PCDHGA1: variants seen among roughly 807,000 people sequenced by gnomAD.
PCDHGA1 encodes protocadherin gamma subfamily A, 1, also known as protocadherin gamma-A1.
A neutral mutation model predicts 58.0 loss-of-function variants in PCDHGA1; 32 were observed. The ratio of observed to expected loss-of-function variants is 0.55; its 90% CI spans 0.42 to 0.74. PCDHGA1 has a LOEUF of 0.74. Ranked by LOEUF, PCDHGA1 falls within the 30% of genes least tolerant of loss-of-function variation. The pLI, the probability that PCDHGA1 is intolerant of heterozygous loss-of-function variation, is 0.00. For missense variants in PCDHGA1, 1,205 were observed against 1,182.3 expected, an observed-to-expected ratio of 1.02 and a Z score of -0.28; for synonymous variants, 498 against 501.1, an observed-to-expected ratio of 0.99 and a Z score of 0.08.
At chr5:141,408,111 C>A (rs1477598232) in intron 1 of PCDHGA1, 7 of 1,455,108 alleles carry the variant, frequency 4.8e-6, no homozygotes, top group African/African-American at 4.3e-5. Context: ...ACCCGGGACT[C>A]CTCCTGTCCT....
chr5:141,403,302 A>G (rs1195717654), intron 1 of PCDHGA1: 1 of 1,613,904 alleles, frequency 6.2e-7, no homozygotes, highest in East Asian at 2.2e-5. Flanking sequence ...GTGAAACTGT[A>G]CGGAATAGAA....
At chr5:141,465,945 AC>A (rs761290693) in intron 1 of PCDHGA1, among the ~76,000 whole-genome samples, 7 of 151,958 alleles carry the variant, frequency 4.6e-5, no homozygotes, top group Non-Finnish European at 5.9e-5. Context: ...ACATGGTGAA[AC>A]CCCATCTCTA....
intron 1 of PCDHGA1, chr5:141,366,556 C>T (rs1764642074): frequency 3.1e-6 from 5 of 1,614,234 alleles, no homozygotes; most frequent in East Asian, 2.2e-5. Flanking sequence ...ACTTTGTGGG[C>T]GTGGATGGGG....
intron 1 of PCDHGA1, among the ~76,000 whole-genome samples, chr5:141,467,727 T>C (rs1562013145): frequency 6.6e-6 from 1 of 152,046 alleles, no homozygotes; most frequent in African/African-American, 2.4e-5. Flanking sequence ...AGTGGCACAA[T>C]CCCAGCTCGC....
chr5:141,425,844 G>C (rs985746948), intron 1 of PCDHGA1, among the ~76,000 whole-genome samples: 1 of 152,104 alleles, frequency 6.6e-6, no homozygotes, highest in Admixed American at 6.6e-5. Flanking sequence ...CTCTTTGCTG[G>C]GTTAATGACT....
intron 1 of PCDHGA1, chr5:141,364,326 A>T (rs1186255733): frequency 7.2e-6 from 11 of 1,528,198 alleles, no homozygotes; most frequent in Non-Finnish European, 9.6e-6. Context: ...GGCAGAGAGA[A>T]GGCAATGGCG....
At chr5:141,370,820 C>CA in intron 1 of PCDHGA1, 1 of 1,614,062 alleles carries the variant, frequency 6.2e-7, no homozygotes, top group Non-Finnish European at 8.5e-7. Flanking sequence ...AGCTGGAAAT[C>CA]AGCGAACTGG....
intron 1 of PCDHGA1, chr5:141,433,257 G>T: frequency 7.2e-7 from 1 of 1,385,416 alleles, no homozygotes; most frequent in Non-Finnish European, 9.9e-7. Context: ...GCAGCGGTAC[G>T]ATCATAGCTC....
At chr5:141,433,028 G>C in intron 1 of PCDHGA1, 1 of 1,614,116 alleles carries the variant, frequency 6.2e-7, no homozygotes, top group Non-Finnish European at 8.5e-7. Context: ...TTCCCACGAG[G>C]TTTCCCTCAC....
At chr5:141,469,372 C>A (rs780872014) in intron 1 of PCDHGA1, among the ~76,000 whole-genome samples, 1 of 151,990 alleles carries the variant, frequency 6.6e-6, no homozygotes, top group East Asian at 1.9e-4. Context: ...GTAAAGAGAT[C>A]GAGACCATCC....
chr5:141,435,254 G>C (rs1220755047), intron 1 of PCDHGA1, among the ~76,000 whole-genome samples: 1 of 152,018 alleles, frequency 6.6e-6, no homozygotes, highest in African/African-American at 2.4e-5. Flanking sequence ...GGCCATTAGG[G>C]ATATGTCCAT....
At chr5:141,449,467 C>G (rs1356192128) in intron 1 of PCDHGA1, among the ~76,000 whole-genome samples, 1 of 150,842 alleles carries the variant, frequency 6.6e-6, no homozygotes, top group South Asian at 2.1e-4. Flanking sequence ...ATTAGCCAGG[C>G]CTGGTACCCC....
Position 141,489,092 on chromosome 5 carries a change from A to AATT in PCDHGA1, c.2422-5714_2422-5713insTTA. 2.9e-6 allele frequency: 1 copy of AATT among 348,332 alleles called. No individual in the cohort carries two copies. Among genetic ancestry groups the AATT allele is most frequent in the Non-Finnish European group, 4.7e-6 (1 of 214,538 alleles). 21.6% of individuals were successfully genotyped at this position (348,332 alleles called of 1,614,324 possible). A position where few individuals can be genotyped will look rare whatever the true frequency, so the allele number is the denominator to read the frequency against. On this transcript the variant is annotated intron_variant, in intron 1 of 3. Transcript: ENST00000517417. This position sits in a 1 kb window ranked among gnomAD's most constrained non-coding sequence, Gnocchi z 4.5. Reference sequence around the variant, plus strand: ...TGCCCACCCCCGCCACTCGGTGACTAAGAACTGCTGCAAGCAGGCAAACCT... The same window carrying AATT: ...TGCCCACCCCCGCCACTCGGTGACTAATTAGAACTGCTGCAAGCAGGCAAACCT...
In PCDHGA1 at chr5:141,332,619, C is replaced by A. The variant is rs765214655; in HGVS notation, c.1935C>A (p.Ala645=). The A allele has an allele frequency of 2.5e-6, 4 of 1,612,610 alleles. No individual in the cohort carries two copies. Among genetic ancestry groups the A allele is most frequent in the Non-Finnish European group, 3.4e-6 (4 of 1,179,780 alleles). Reference sequence around the variant, plus strand: ...CGCTCAAGCAGAGTCTCGTGGTGGCCGTCCAGGACCACGGCCAGCCCCCGC... The same window carrying A: ...CGCTCAAGCAGAGTCTCGTGGTGGCAGTCCAGGACCACGGCCAGCCCCCGC... ...RDALKQSLVV[A]VQDHGQPPLS... Residue 645 remains alanine, a synonymous_variant, in exon 1 of 4, where the codon GCC becomes GCA. Coordinates refer to ENST00000517417, the MANE Select transcript of PCDHGA1 (RefSeq NM_018912.3). The surrounding 1 kb of genome is among the most constrained non-coding windows in gnomAD (Gnocchi z 4.6).
At chr5:141,445,178 A>G (rs768321514) in intron 1 of PCDHGA1, among the ~76,000 whole-genome samples, 2 of 152,218 alleles carry the variant, frequency 1.3e-5, no homozygotes, top group Admixed American at 1.3e-4. Context: ...ATGAAAAACT[A>G]TGTTTTTATG....
At chr5:141,389,147 G>C (rs530113846) in intron 1 of PCDHGA1, 120 of 1,613,986 alleles carry the variant, frequency 7.4e-5, no homozygotes, top group Admixed American at 4.8e-4. Flanking sequence ...TAACCGTTAC[G>C]GCAACAGATC....
In PCDHGA1 at chr5:141,435,253, G is replaced by A. The variant is rs2097754974; in HGVS notation, c.2422-59554G>A. Among the ~76,000 whole-genome samples the A allele has an allele frequency of 1.3e-5, 2 of 152,064 alleles. 1 individual carries two copies. The highest frequency in any genetic ancestry group is 3.9e-4 in the East Asian group (2 of 5,184). On this transcript the variant is annotated intron_variant, in intron 1 of 3. Transcript: ENST00000517417. ...TTCAGTAATTCTTTCTGGCCATTAG[G>A]GATATGTCCATTTATACTTTCTCAG...
intron 1 of PCDHGA1, chr5:141,357,445 T>C: frequency 1.9e-6 from 3 of 1,614,216 alleles, no homozygotes; most frequent in Non-Finnish European, 2.5e-6. Flanking sequence ...GGTTCGGGCT[T>C]TCCTGCAGAC....
chr5:141,442,485 G>A (rs1000683527), intron 1 of PCDHGA1: 2 of 152,248 alleles, frequency 1.3e-5, no homozygotes, highest in Non-Finnish European at 2.9e-5. Flanking sequence ...TGGGGAAGGG[G>A]ATGATTGTGA....
Sources: allele counts gnomAD v4.1 joint callset (sites outside exome capture counted in the v4.1 genomes callset), GRCh38; gene constraint gnomAD v4.1.1; non-coding constraint Gnocchi (gnomAD v3.1); transcripts MANE v1.5; gene names NCBI Gene and HGNC (gene_info 2026-07-23, HGNC 2026-07-21).